ZNF385D: variants seen among roughly 807,000 people sequenced by gnomAD.
ZNF385D encodes the protein zinc finger protein 659.
Under a neutral mutation model 35.8 loss-of-function variants are expected in ZNF385D, and 15 were observed. That is an observed-to-expected ratio of 0.42 (90% CI 0.28 to 0.64). The LOEUF is 0.64. Ranked by LOEUF, ZNF385D falls within the 30% of genes least tolerant of loss-of-function variation. The probability of loss-of-function intolerance (pLI) is 0.23; values close to 1 mark genes in which losing one functional copy is unlikely to be tolerated. For synonymous variants in ZNF385D, 212 were observed against 186.8 expected (o/e 1.13, Z -1.10); for missense variants, 474 against 494.6 (o/e 0.96, Z 0.39).
chr3:21,628,557 C>T (rs2065197166), intron 2 of ZNF385D, among the ~76,000 whole-genome samples: 1 of 152,004 alleles, frequency 6.6e-6, no homozygotes, highest in South Asian at 2.1e-4. Context: ...TTAATGTCTC[C>T]AGGTCTTGAT....
intron 3 of ZNF385D, among the ~76,000 whole-genome samples, chr3:21,558,072 T>G (rs2062803560): frequency 1.3e-5 from 2 of 152,050 alleles, no homozygotes; most frequent in Admixed American, 6.5e-5. Flanking sequence ...GCAGTCTGTT[T>G]TGCTGATCTT....
intron 2 of ZNF385D, among the ~76,000 whole-genome samples, chr3:22,332,520 G>T (rs955103856): frequency 6.6e-6 from 1 of 152,058 alleles, no homozygotes; most frequent in Non-Finnish European, 1.5e-5. Context: ...ATATAAACAG[G>T]TTTGTATTAA....
At chr3:21,798,600 G>A (rs76290105) in intron 3 of ZNF385D, among the ~76,000 whole-genome samples, 133 of 152,198 alleles carry the variant, frequency 8.7e-4, no homozygotes, top group African/African-American at 3.0e-3. Flanking sequence ...TTAACTCAGC[G>A]TCAACTAATT....
At chr3:21,679,365 G>A (rs1182507697) in intron 1 of ZNF385D, among the ~76,000 whole-genome samples, 1 of 151,592 alleles carries the variant, frequency 6.6e-6, no homozygotes, top group Non-Finnish European at 1.5e-5. Flanking sequence ...ATCATTAATT[G>A]GTATATCTCT....
At chr3:22,311,067 C>T (rs1275211824) in intron 2 of ZNF385D, among the ~76,000 whole-genome samples, 5 of 151,682 alleles carry the variant, frequency 3.3e-5, no homozygotes, top group African/African-American at 1.2e-4. Flanking sequence ...TAGAAGCAAG[C>T]AACCCAGGTT....
chr3:21,854,256 T>A (rs1433973214), intron 3 of ZNF385D, among the ~76,000 whole-genome samples: 2 of 151,964 alleles, frequency 1.3e-5, no homozygotes, highest in Non-Finnish European at 2.9e-5. Context: ...CTGGCTACAA[T>A]ATTTGCTTTT....
chr3:21,956,007 G>A (rs1027368675), intron 3 of ZNF385D, among the ~76,000 whole-genome samples: 15 of 151,892 alleles, frequency 9.9e-5, no homozygotes, highest in East Asian at 3.9e-4. Flanking sequence ...AAAACATGGC[G>A]AGAACCTGTC....
chr3:22,261,579 C>A (rs1700634560), intron 2 of ZNF385D, among the ~76,000 whole-genome samples: 1 of 151,994 alleles, frequency 6.6e-6, no homozygotes, highest in Non-Finnish European at 1.5e-5. Context: ...GCCTGGAAAC[C>A]TAGCCTTATG....
chr3:21,538,286 G>C (rs1013938123), intron 3 of ZNF385D, among the ~76,000 whole-genome samples: 2 of 151,992 alleles, frequency 1.3e-5, no homozygotes, highest in Admixed American at 6.5e-5. Context: ...TACAAATATG[G>C]GGGTCATCTG....
chr3:22,284,216 G>A (rs536614479), intron 2 of ZNF385D, among the ~76,000 whole-genome samples: 14 of 151,908 alleles, frequency 9.2e-5, no homozygotes, highest in Non-Finnish European at 1.3e-4. Flanking sequence ...TTTTTGAGAC[G>A]GAGTCTCTGT....
At chr3:22,062,064 G>C in intron 3 of ZNF385D, among the ~76,000 whole-genome samples, 1 of 152,158 alleles carries the variant, frequency 6.6e-6, no homozygotes, top group Non-Finnish European at 1.5e-5. Context: ...TTGAGGCAAG[G>C]TCTTGTTCTG....
At chr3:22,108,374 T>G (rs534832039) in intron 3 of ZNF385D, among the ~76,000 whole-genome samples, 22 of 152,234 alleles carry the variant, frequency 1.4e-4, no homozygotes, top group Middle Eastern at 3.4e-3. Context: ...TTTTGTTTTT[T>G]TTTTGCATGA....
At chr3:21,526,193 T>C (rs894738183) in intron 3 of ZNF385D, among the ~76,000 whole-genome samples, 2 of 152,280 alleles carry the variant, frequency 1.3e-5, no homozygotes, top group Admixed American at 1.3e-4. Context: ...ATGAAGTTTG[T>C]AAAAGTATTC....
rs567822451 is a variant in ZNF385D, at chr3:21,667,069, T to A, written c.23-2041A>T. On this transcript the variant is annotated intron_variant, in intron 1 of 7. Transcript: ENST00000281523. ...TTCAGCCTGGGCGACAGAGCAAGAC[T>A]CTATTTCAAAAACAAAAACTCAGAA... 1.4e-4 allele frequency among the ~76,000 whole-genome samples: 22 copies of A among 152,258 alleles called. No individual in the cohort carries two copies. The South Asian group carries it at 4.6e-3, about 32-fold the overall frequency.
chr3:21,841,400 C>G (rs1208494022), intron 3 of ZNF385D, among the ~76,000 whole-genome samples: 1 of 151,470 alleles, frequency 6.6e-6, no homozygotes, highest in Non-Finnish European at 1.5e-5. Flanking sequence ...AGATCAATTC[C>G]CAGAATTGAC....
chr3:21,423,881 G>T (rs1295737481), intron 7 of ZNF385D, 82 bp downstream of exon 7: 28 of 1,336,952 alleles, frequency 2.1e-5, no homozygotes, highest in Non-Finnish European at 4.2e-6. Context: ...TGTGGTTAAA[G>T]GTGGCAAAAT....
At chr3:22,175,480 T>C (rs1694762907) in intron 2 of ZNF385D, among the ~76,000 whole-genome samples, 1 of 151,978 alleles carries the variant, frequency 6.6e-6, no homozygotes, top group African/African-American at 2.4e-5. Flanking sequence ...TATTAGGTGA[T>C]TTGAAAGGTG....
rs74395233 is a variant in ZNF385D, at chr3:22,273,831, T to C, written c.106+98619A>G. 4.4e-3 allele frequency among the ~76,000 whole-genome samples: 673 copies of C among 152,056 alleles called. 7 individuals are homozygous for C. The highest frequency in any genetic ancestry group is 0.015 in the African/African-American group (640 of 41,532). On this transcript the variant is annotated intron_variant, in intron 2 of 5. Coordinates refer to the ZNF385D transcript ENST00000494108. ...GGACCAGCAGAGGTTACATACAATT[T>C]GCACAATTATAGAAGATCTCCCATA...
intron 3 of ZNF385D, among the ~76,000 whole-genome samples, chr3:21,523,767 G>A (rs917614005): frequency 1.1e-4 from 11 of 103,442 alleles, no homozygotes; most frequent in African/African-American, 4.2e-4. Context: ...GGAAGGCTGT[G>A]CAAATTTTTT....
Sources: gnomAD v4.1 joint callset for allele counts (sites outside exome capture counted in the v4.1 genomes callset) on GRCh38, gnomAD v4.1.1 for gene constraint, MANE v1.5 for transcripts, NCBI Gene and HGNC (gene_info 2026-07-23, HGNC 2026-07-21) for gene names.